ANKS1B: variants seen among roughly 807,000 people sequenced by gnomAD.
ANKS1B encodes ankyrin repeat and sterile alpha motif domain containing 1B.
In ANKS1B, 36 loss-of-function variants were observed where a neutral mutation model predicts 148.3. That is an observed-to-expected ratio of 0.24 (90% confidence interval 0.19 to 0.32). ANKS1B has a LOEUF of 0.32. Among genes scored for constraint, ANKS1B ranks in the 10% least tolerant of loss-of-function variants. The pLI is 1.00. For missense variants in ANKS1B, 1,157 were observed against 1,542.6 expected, an observed-to-expected ratio of 0.75 and a Z score of 4.19; for synonymous variants, 542 against 560.8, an observed-to-expected ratio of 0.97 and a Z score of 0.47.
intron 17 of ANKS1B, among the ~76,000 whole-genome samples, chr12:99,023,195 T>C (rs758361719): frequency 6.6e-6 from 1 of 152,166 alleles, no homozygotes; most frequent in Admixed American, 6.6e-5. Flanking sequence ...TTGATTTACA[T>C]GGCCAATGTT....
intron 12 of ANKS1B, among the ~76,000 whole-genome samples, chr12:99,286,103 C>T (rs896567466): frequency 9.9e-5 from 15 of 151,718 alleles, no homozygotes; most frequent in African/African-American, 3.6e-4. Flanking sequence ...TGCCACCCCT[C>T]AGCCAACTCC....
intron 17 of ANKS1B, among the ~76,000 whole-genome samples, chr12:98,946,930 A>G (rs2099846299): frequency 8.3e-6 from 1 of 121,138 alleles, no homozygotes; most frequent in Non-Finnish European, 1.7e-5. Flanking sequence ...ACAAAGCAAG[A>G]TCTTTTCTCA....
chr12:99,332,372 T>G (rs536976550), intron 12 of ANKS1B, among the ~76,000 whole-genome samples: 1 of 152,070 alleles, frequency 6.6e-6, no homozygotes, highest in Non-Finnish European at 1.5e-5. Flanking sequence ...TTATTCATTC[T>G]CTTAACAAAT....
chr12:99,357,784 G>A (rs1289718031), intron 12 of ANKS1B, among the ~76,000 whole-genome samples: 2 of 151,940 alleles, frequency 1.3e-5, no homozygotes, highest in Admixed American at 1.3e-4. Context: ...ACATTTTTGA[G>A]GATCTTGATA....
chr12:99,349,016 G>C lies in ANKS1B; in HGVS notation c.1756+50615C>G, dbSNP rs1040356625. Among the ~76,000 whole-genome samples the C allele has an allele frequency of 3.3e-5, 5 of 151,952 alleles. No homozygotes were observed. In the East Asian group the frequency reaches 9.7e-4, roughly 29 times the overall value. On this transcript the variant is annotated intron_variant, in intron 12 of 26. Coordinates refer to ENST00000683438, the MANE Select transcript of ANKS1B (RefSeq NM_001352186.2). Reference sequence around the variant, plus strand: ...AATGGGGACACAATGTGAAAACATGGAATTTGTGACAATAACAACACAAAC... The same window carrying C: ...AATGGGGACACAATGTGAAAACATGCAATTTGTGACAATAACAACACAAAC...
chr12:99,360,677 T>G (rs2092393883), intron 12 of ANKS1B, among the ~76,000 whole-genome samples: 1 of 152,156 alleles, frequency 6.6e-6, no homozygotes, highest in Admixed American at 6.6e-5. Context: ...ATAGTGGTTT[T>G]CTTGAGCCTG....
intron 1 of ANKS1B, among the ~76,000 whole-genome samples, chr12:99,874,024 T>C (rs970332066): frequency 2.7e-5 from 4 of 146,368 alleles, no homozygotes; most frequent in South Asian, 2.1e-4. Context: ...CTCTCTCACA[T>C]ATATATATAT....
At chr12:99,516,527 G>A (rs1208514631) in intron 9 of ANKS1B, among the ~76,000 whole-genome samples, 1 of 151,964 alleles carries the variant, frequency 6.6e-6, no homozygotes, top group African/African-American at 2.4e-5. Flanking sequence ...CTCATAAGTG[G>A]GAGCTAAAAA....
chr12:99,754,246 G>C (rs916868531), intron 8 of ANKS1B, among the ~76,000 whole-genome samples: 2 of 151,896 alleles, frequency 1.3e-5, no homozygotes, highest in Admixed American at 1.3e-4. Context: ...AACTAACAAA[G>C]ATCAAAAAAG....
At chr12:98,843,575 A>T (rs1402089196) in intron 17 of ANKS1B, among the ~76,000 whole-genome samples, 1 of 152,242 alleles carries the variant, frequency 6.6e-6, no homozygotes, top group Non-Finnish European at 1.5e-5. Flanking sequence ...AAAACAGACT[A>T]GGACAAACAA....
At chr12:99,027,329 A>G (rs1181117770) in intron 17 of ANKS1B, among the ~76,000 whole-genome samples, 4 of 152,186 alleles carry the variant, frequency 2.6e-5, no homozygotes, top group Admixed American at 2.6e-4. Flanking sequence ...ACAGTAAAAA[A>G]CATCTTGACC....
intron 17 of ANKS1B, among the ~76,000 whole-genome samples, chr12:99,040,987 G>A (rs932631392): frequency 1.2e-4 from 18 of 152,184 alleles, no homozygotes; most frequent in Non-Finnish European, 2.2e-4. Context: ...AAGAGAATGC[G>A]AATAATACAC....
chr12:99,396,682 AG>A (rs2094254271), intron 12 of ANKS1B, among the ~76,000 whole-genome samples: 1 of 152,170 alleles, frequency 6.6e-6, no homozygotes, highest in African/African-American at 2.4e-5. Flanking sequence ...TCTGGTGGTC[AG>A]TTTCAGAGTG....
intron 17 of ANKS1B, among the ~76,000 whole-genome samples, chr12:99,008,284 C>T (rs980750515): frequency 3.9e-5 from 6 of 152,042 alleles, no homozygotes; most frequent in South Asian, 2.1e-4. Flanking sequence ...TCCTTCTATT[C>T]CTCTTTTCTC....
chr12:99,288,691 A>C (rs1475965938), intron 12 of ANKS1B, among the ~76,000 whole-genome samples: 2 of 152,112 alleles, frequency 1.3e-5, no homozygotes, highest in Non-Finnish European at 2.9e-5. Flanking sequence ...AGTTGTCATC[A>C]GTTTAATGTA....
intron 10 of ANKS1B, among the ~76,000 whole-genome samples, chr12:99,480,926 C>A (rs2096400152): frequency 6.6e-6 from 1 of 151,618 alleles, no homozygotes; most frequent in Non-Finnish European, 1.5e-5. Context: ...AAGCTCAAAT[C>A]CTTCCAAAAA....
chr12:99,591,732 T>C (rs1349654603), intron 9 of ANKS1B, among the ~76,000 whole-genome samples: 1 of 152,092 alleles, frequency 6.6e-6, no homozygotes, highest in Non-Finnish European at 1.5e-5. Flanking sequence ...CAGGCCCATA[T>C]CTAAAGGGTA....
intron 14 of ANKS1B, among the ~76,000 whole-genome samples, chr12:99,165,692 C>A (rs564808385): frequency 4.6e-3 from 128 of 27,578 alleles, no homozygotes; most frequent in African/African-American, 0.018. Flanking sequence ...TAAATTCTAC[C>A]AAACATATAG....
intron 16 of ANKS1B, chr12:99,080,045 C>T (rs542601301): frequency 3.1e-4 from 47 of 152,478 alleles, no homozygotes; most frequent in African/African-American, 1.1e-3. Flanking sequence ...ACTAACCAAC[C>T]GGGAAGCCCC....
Sources: allele counts gnomAD v4.1 joint callset (sites outside exome capture counted in the v4.1 genomes callset), GRCh38; gene constraint gnomAD v4.1.1; transcripts MANE v1.5; gene names NCBI Gene and HGNC (gene_info 2026-07-23, HGNC 2026-07-21).